GALNT13: variants seen among roughly 807,000 people sequenced by gnomAD.
GALNT13 encodes the protein UDP-GalNAc:polypeptide N-acetylgalactosaminyltransferase 13.
In GALNT13, 28 loss-of-function variants were observed where a neutral mutation model predicts 64.2. The observed-to-expected ratio is 0.44, with a 90% CI of 0.32 to 0.60. The LOEUF is 0.60. Among genes scored for constraint, GALNT13 ranks in the 20% least tolerant of loss-of-function variants. The pLI, the probability that GALNT13 is intolerant of heterozygous loss-of-function variation, is 0.05. For synonymous variants in GALNT13, 214 were observed against 224.6 expected (o/e 0.95, Z 0.42); for missense variants, 577 against 669.8 (o/e 0.86, Z 1.53).
At chr2:153,264,194 C>A in the GALNT13 span, among the ~76,000 whole-genome samples, 1 of 152,184 alleles carries the variant, frequency 6.6e-6, no homozygotes, top group Non-Finnish European at 1.5e-5. Context: ...AAAAGCTCAA[C>A]ATCACTAATT....
At chr2:153,818,869 C>G in the GALNT13 span, among the ~76,000 whole-genome samples, 6 of 152,252 alleles carry the variant, frequency 3.9e-5, no homozygotes, top group Admixed American at 1.3e-4. Context: ...CCTCAGGAGG[C>G]TCCCACTACC....
intron 2 of GALNT13, among the ~76,000 whole-genome samples, chr2:153,937,877 C>T (rs1407699442): frequency 6.6e-6 from 1 of 152,136 alleles, no homozygotes; most frequent in African/African-American, 2.4e-5. Flanking sequence ...TTGACCGTGA[C>T]CTTATCACAT....
At chr2:154,355,395 G>C (rs1049193548) in intron 9 of GALNT13, among the ~76,000 whole-genome samples, 1 of 152,042 alleles carries the variant, frequency 6.6e-6, no homozygotes, top group Non-Finnish European at 1.5e-5. Flanking sequence ...ATCCTTCCTT[G>C]AATATGCAAG....
the GALNT13 span, among the ~76,000 whole-genome samples, chr2:153,732,257 T>C: frequency 6.6e-6 from 1 of 152,026 alleles, no homozygotes; most frequent in African/African-American, 2.4e-5. Context: ...AAACAAATGA[T>C]ACCTTCTTGT....
At chr2:154,288,668 C>T (rs1287535954) in intron 8 of GALNT13, among the ~76,000 whole-genome samples, 1 of 152,210 alleles carries the variant, frequency 6.6e-6, no homozygotes, top group Non-Finnish European at 1.5e-5. Context: ...TCCAGTGGGG[C>T]AGTGAAATCT....
the GALNT13 span, among the ~76,000 whole-genome samples, chr2:153,848,402 T>G: frequency 6.6e-6 from 1 of 152,088 alleles, no homozygotes; most frequent in East Asian, 1.9e-4. Context: ...AGGCTGAAAA[T>G]CAGTCTCTAA....
chr2:153,579,925 G>A, the GALNT13 span, among the ~76,000 whole-genome samples: 30 of 151,994 alleles, frequency 2.0e-4, no homozygotes, highest in Admixed American at 3.3e-4. Context: ...CTACAAAACC[G>A]GTCCCAGGTG....
intron 3 of GALNT13, among the ~76,000 whole-genome samples, chr2:154,059,726 G>A (rs1370492039): frequency 6.3e-5 from 4 of 63,596 alleles, no homozygotes; most frequent in Non-Finnish European, 1.0e-4. Context: ...AATATTTCCA[G>A]TATGTTAAAT....
rs1701872111 is a variant in GALNT13 at position 154,451,580 on chromosome 2, G to T, written c.*1029G>T. 1 of 151,960 alleles carries T rather than the reference G, an allele frequency of 6.6e-6. No individual in the cohort carries two copies. Among genetic ancestry groups the T allele is most frequent in the South Asian group, 2.1e-4 (1 of 4,830 alleles). 9.4% of individuals were successfully genotyped at this position (151,960 alleles called of 1,614,324 possible). A position where few individuals can be genotyped will look rare whatever the true frequency, so the allele number is the denominator to read the frequency against. On this transcript the variant is annotated 3_prime_UTR_variant, in exon 13 of 13. Transcript: ENST00000392825. ...CAGTATCTAAAAATTTTATCACCAG[G>T]GGAATAAACTCAATACACATTCATT...
At chr2:153,904,462 C>A (rs1013300212) in intron 2 of GALNT13, among the ~76,000 whole-genome samples, 2 of 151,816 alleles carry the variant, frequency 1.3e-5, no homozygotes, top group African/African-American at 4.8e-5. Flanking sequence ...GTAAGAGTTT[C>A]CATTGTTTCA....
chr2:153,811,165 G>C, the GALNT13 span, among the ~76,000 whole-genome samples: 1 of 152,114 alleles, frequency 6.6e-6, no homozygotes, highest in Non-Finnish European at 1.5e-5. Flanking sequence ...AGAAAGGTTA[G>C]AAATACCCAA....
At chr2:153,441,400 C>T in the GALNT13 span, among the ~76,000 whole-genome samples, 2 of 152,120 alleles carry the variant, frequency 1.3e-5, no homozygotes, top group Admixed American at 1.3e-4. Flanking sequence ...CAGCTTTGTT[C>T]TTTTTACTTA....
the GALNT13 span, among the ~76,000 whole-genome samples, chr2:153,533,256 T>A: frequency 7.9e-5 from 12 of 151,700 alleles, no homozygotes; most frequent in African/African-American, 1.5e-4. Context: ...CTGCTTGGGG[T>A]TTTTTTTCTT....
chr2:153,420,259 T>C, the GALNT13 span, among the ~76,000 whole-genome samples: 10 of 152,182 alleles, frequency 6.6e-5, no homozygotes, highest in Admixed American at 2.6e-4. Flanking sequence ...TTTTATGTTA[T>C]ATGTATTTTT....
chr2:153,651,978 C>A, the GALNT13 span, among the ~76,000 whole-genome samples: 1 of 152,090 alleles, frequency 6.6e-6, no homozygotes, highest in East Asian at 1.9e-4. Context: ...CTGTAAGCTT[C>A]CCGGGTACTA....
chr2:154,343,016 C>T (rs1204147605), intron 9 of GALNT13, among the ~76,000 whole-genome samples: 1 of 151,850 alleles, frequency 6.6e-6, no homozygotes, highest in Admixed American at 6.6e-5. Context: ...TTGCCACGCC[C>T]ATTTTAGAGA....
At chr2:154,023,118 G>A (rs1223959621) in intron 3 of GALNT13, among the ~76,000 whole-genome samples, 1 of 152,082 alleles carries the variant, frequency 6.6e-6, no homozygotes, top group Admixed American at 6.5e-5. Context: ...CCAACTATGT[G>A]GCCAGTTTTG....
At chr2:153,795,720 A>G in the GALNT13 span, among the ~76,000 whole-genome samples, 2 of 152,168 alleles carry the variant, frequency 1.3e-5, no homozygotes, top group South Asian at 4.1e-4. Flanking sequence ...GTTGAAAAAG[A>G]TTATTTCACA....
chr2:153,923,473 A>G (rs1468744281), intron 2 of GALNT13, among the ~76,000 whole-genome samples: 13 of 151,754 alleles, frequency 8.6e-5, no homozygotes, highest in Non-Finnish European at 1.3e-4. Context: ...TAACAGGGAG[A>G]GTATTTTCTT....
Sources: allele counts gnomAD v4.1 joint callset (sites outside exome capture counted in the v4.1 genomes callset), GRCh38; gene constraint gnomAD v4.1.1; transcripts MANE v1.5; gene names NCBI Gene and HGNC (gene_info 2026-07-23, HGNC 2026-07-21).